Variants in GALNT13 observed in about 807,000 individuals in gnomAD.
GALNT13 encodes the protein polypeptide N-acetylgalactosaminyltransferase 13.
In GALNT13, 28 loss-of-function variants were observed where a neutral mutation model predicts 64.2. That is an observed-to-expected ratio of 0.44 (90% CI 0.32 to 0.60). The LOEUF is 0.60. Ranked by LOEUF, GALNT13 falls within the 20% of genes least tolerant of loss-of-function variation. GALNT13 has a pLI of 0.05. For synonymous variants in GALNT13, 214 were observed against 224.6 expected, an observed-to-expected ratio of 0.95 and a Z score of 0.42; for missense variants, 577 against 669.8, an observed-to-expected ratio of 0.86 and a Z score of 1.53.
intron 3 of GALNT13, among the ~76,000 whole-genome samples, chr2:153,985,144 A>C (rs905037659): frequency 1.1e-4 from 17 of 152,136 alleles, no homozygotes; most frequent in African/African-American, 3.9e-4. Flanking sequence ...ACCAACTATT[A>C]TTTTTATTAT....
intron 12 of GALNT13, among the ~76,000 whole-genome samples, chr2:154,440,868 T>C (rs537431736): frequency 5.3e-5 from 8 of 152,168 alleles, no homozygotes; most frequent in Non-Finnish European, 1.2e-4. Context: ...ATTATATTTT[T>C]GAGAAGGTCG....
intron 3 of GALNT13, among the ~76,000 whole-genome samples, chr2:154,049,516 T>TAA (rs1491090429): frequency 1.8e-5 from 1 of 56,172 alleles, no homozygotes; most frequent in African/African-American, 3.4e-5. Flanking sequence ...TTTTAAATAT[T>TAA]ATATATATAT....
At chr2:154,392,536 G>C (rs927506750) in intron 9 of GALNT13, among the ~76,000 whole-genome samples, 2 of 152,160 alleles carry the variant, frequency 1.3e-5, no homozygotes, top group African/African-American at 4.8e-5. Flanking sequence ...TCAAGACCAG[G>C]AGGGCCATTC....
At chr2:154,024,716 C>A (rs922471468) in intron 3 of GALNT13, among the ~76,000 whole-genome samples, 1 of 152,168 alleles carries the variant, frequency 6.6e-6, no homozygotes, top group African/African-American at 2.4e-5. Flanking sequence ...CTCCATCCAG[C>A]TTTGTTCCGT....
the GALNT13 span, among the ~76,000 whole-genome samples, chr2:153,847,546 T>A: frequency 1.3e-5 from 2 of 152,112 alleles, no homozygotes; most frequent in East Asian, 3.9e-4. Context: ...TGGGAGTAAG[T>A]TTGGAATCAA....
At chr2:154,116,651 G>A (rs1558966915) in intron 3 of GALNT13, among the ~76,000 whole-genome samples, 1 of 152,204 alleles carries the variant, frequency 6.6e-6, no homozygotes, top group Non-Finnish European at 1.5e-5. Context: ...AATCTGGAAT[G>A]TCAAATGCAT....
chr2:153,102,373 T>C, the GALNT13 span, among the ~76,000 whole-genome samples: 4 of 152,296 alleles, frequency 2.6e-5, no homozygotes, highest in East Asian at 5.8e-4. Flanking sequence ...ATCTTTGTAA[T>C]CATTTCAGTG....
chr2:153,236,343 A>T, the GALNT13 span, among the ~76,000 whole-genome samples: 1 of 152,156 alleles, frequency 6.6e-6, no homozygotes, highest in Non-Finnish European at 1.5e-5. Context: ...CAGGTTTTTA[A>T]TGTAGATGGA....
chr2:154,363,623 A>G (rs799820), intron 9 of GALNT13, among the ~76,000 whole-genome samples: 50,479 of 152,168 alleles, frequency 0.33, 8,612 homozygotes, highest in African/African-American at 0.39. Context: ...TTATGTCTAT[A>G]TGCTGAAATG....
the GALNT13 span, among the ~76,000 whole-genome samples, chr2:153,752,559 A>T: frequency 3.0e-4 from 45 of 152,194 alleles, 1 homozygote; most frequent in South Asian, 8.5e-3. Context: ...TAAATATGTC[A>T]TGCCACTCTC....
the GALNT13 span, among the ~76,000 whole-genome samples, chr2:153,117,806 T>A: frequency 6.6e-6 from 1 of 152,158 alleles, no homozygotes; most frequent in African/African-American, 2.4e-5. Flanking sequence ...CTAACTTGGT[T>A]GTCTTCTGTA....
chr2:153,378,750 A>C, the GALNT13 span, among the ~76,000 whole-genome samples: 1 of 152,256 alleles, frequency 6.6e-6, no homozygotes, highest in African/African-American at 2.4e-5. Flanking sequence ...ATAAGGGCTC[A>C]GTTGCAGATA....
At chr2:153,389,526 C>T in the GALNT13 span, among the ~76,000 whole-genome samples, 76 of 152,068 alleles carry the variant, frequency 5.0e-4, no homozygotes, top group African/African-American at 1.8e-3. Context: ...CACATGGGAC[C>T]CCATTACACA....
rs1331097989 is a variant in GALNT13, at chr2:154,140,491, T to C, written c.297T>C (p.Asp99=). 3 of 1,608,822 alleles carry C rather than the reference T, an allele frequency of 1.9e-6. No individual in the cohort carries two copies. In the African/African-American group the frequency reaches 4.0e-5, roughly 22 times the overall value. The change falls in exon 4 of 13, where the codon GAT becomes GAC. Residue 99 remains aspartate (D), a synonymous_variant. Coordinates refer to ENST00000392825, the MANE Select transcript of GALNT13 (RefSeq NM_052917.4). The part of the protein sequence containing the change: ...DLIALNRSLP[D]VRLEGCKTKV... ...TTGCCCTTAATAGAAGTCTGCCAGA[T>C]GTAAGATTAGAAGGGTAAGTTTGCA...
chr2:153,366,019 A>C, the GALNT13 span, among the ~76,000 whole-genome samples: 3 of 152,200 alleles, frequency 2.0e-5, no homozygotes, highest in Non-Finnish European at 4.4e-5. Context: ...AGGCTGGAAA[A>C]AGAAAATGTT....
Position 153,963,498 on chromosome 2 carries a change from G to C in GALNT13, c.142+18859G>C, listed in dbSNP as rs567954824. 3.5e-4 allele frequency among the ~76,000 whole-genome samples: 53 copies of C among 152,280 alleles called. 1 individual carries two copies. The highest frequency in any genetic ancestry group is 3.4e-3 in the Middle Eastern group (1 of 294). Reference sequence around the variant, plus strand: ...TGTTTAATTTTGTGAGATACTGCCAGTCTGTTTTCCCAAGTTGTTAGACTA... The same window carrying C: ...TGTTTAATTTTGTGAGATACTGCCACTCTGTTTTCCCAAGTTGTTAGACTA... On this transcript the variant is annotated intron_variant, in intron 3 of 12. Coordinates refer to ENST00000392825, the MANE Select transcript of GALNT13 (RefSeq NM_052917.4).
At chr2:154,206,799 CA>C (rs564277662) in intron 4 of GALNT13, among the ~76,000 whole-genome samples, 109 of 131,766 alleles carry the variant, frequency 8.3e-4, no homozygotes, top group South Asian at 1.7e-3. Flanking sequence ...ACAACAACAA[CA>C]AAAAAAAAAA....
chr2:153,982,157 A>G (rs574754810), intron 3 of GALNT13, among the ~76,000 whole-genome samples: 4 of 152,218 alleles, frequency 2.6e-5, no homozygotes, highest in African/African-American at 9.6e-5. Flanking sequence ...ACAAGAACAA[A>G]CACAGTACCA....
At chr2:153,169,803 C>T in the GALNT13 span, among the ~76,000 whole-genome samples, 4 of 152,120 alleles carry the variant, frequency 2.6e-5, no homozygotes, top group Non-Finnish European at 5.9e-5. Context: ...TTAAAGGGGT[C>T]AAAAGTACAA....
Sources: allele counts gnomAD v4.1 joint callset (sites outside exome capture counted in the v4.1 genomes callset), GRCh38; gene constraint gnomAD v4.1.1; transcripts MANE v1.5; gene names NCBI Gene and HGNC (gene_info 2026-07-23, HGNC 2026-07-21).